Variants in YRDC observed in about 807,000 individuals in gnomAD.
YRDC encodes yrdC N6-threonylcarbamoyltransferase domain containing.
YRDC carries 17 observed loss-of-function variants against 21.5 expected under a neutral mutation model. The observed-to-expected ratio is 0.79, with a 90% CI of 0.54 to 1.19. The LOEUF (loss-of-function observed/expected upper bound fraction) is 1.19, where lower values mean the gene tolerates loss of function less well. Ranked by LOEUF, YRDC falls within the 50% of genes most tolerant of loss-of-function variation. The probability of loss-of-function intolerance (pLI) is 0.00; values close to 1 mark genes in which losing one functional copy is unlikely to be tolerated. For missense variants in YRDC, 380 were observed against 397.1 expected (o/e 0.96, Z 0.37); for synonymous variants, 193 against 176.7 (o/e 1.09, Z -0.73).
intron 3 of YRDC, among the ~76,000 whole-genome samples, chr1:37,805,764 A>G (rs1201395424): frequency 6.6e-6 from 1 of 152,166 alleles, no homozygotes; most frequent in Non-Finnish European, 1.5e-5. Flanking sequence ...CTGGGAATGG[A>G]AAACCCATCG....
Position 37,803,886 on chromosome 1 carries a change from T to G in YRDC, c.*39A>C. 6.2e-7 allele frequency: 1 copy of G among 1,608,586 alleles called. No homozygotes were observed. Among genetic ancestry groups the G allele is most frequent in the Non-Finnish European group, 8.5e-7 (1 of 1,175,692 alleles). On this transcript the variant is annotated 3_prime_UTR_variant, in exon 5 of 5. Transcript: ENST00000373044. Reference sequence around the variant, plus strand: ...GTCGTCAGTGGACAGACACATAGTATCCAGCACCAGGTCTTGGGCCTTCCT... The same window carrying G: ...GTCGTCAGTGGACAGACACATAGTAGCCAGCACCAGGTCTTGGGCCTTCCT...
intron 1 of YRDC, 183 bp downstream of exon 1, chr1:37,807,609 C>T (rs901713276): frequency 1.7e-6 from 2 of 1,159,124 alleles, no homozygotes; most frequent in African/African-American, 1.6e-5. Flanking sequence ...GTTGCTGCTT[C>T]CCAGCAGCAT....
In YRDC at chr1:37,807,437, G is replaced by T. The variant is rs1055428003; in HGVS notation, c.390-222C>A. The T allele has an allele frequency of 6.6e-6, 4 of 603,440 alleles. No homozygotes were observed. In the African/African-American group the frequency reaches 7.4e-5, roughly 11 times the overall value. 37.4% of individuals were successfully genotyped at this position (603,440 alleles called of 1,614,324 possible). A position where few individuals can be genotyped will look rare whatever the true frequency, so the allele number is the denominator to read the frequency against. ...TCTGGTCTCAGGGACTACAACAGCT[G>T]CACCGCTGTGATATCATGATAGTGG... is the stretch of plus-strand genomic sequence containing the variant. On this transcript the variant is annotated intron_variant, in intron 1 of 4. Transcript: ENST00000373044.
In YRDC at chr1:37,803,852, G is replaced by T; in HGVS notation, c.*73C>A. The T allele has an allele frequency of 6.4e-7, 1 of 1,553,630 alleles. No homozygotes were observed. Among genetic ancestry groups the T allele is most frequent in the Non-Finnish European group, 8.9e-7 (1 of 1,129,924 alleles). On this transcript the variant is annotated 3_prime_UTR_variant, in exon 5 of 5. Transcript: ENST00000373044. ...AGCTCCGGTGGCCTCTGCAAATGAGGCCTTGACAGTCGTCAGTGGACAGAC... is the reference window on the plus strand; with the variant it reads ...AGCTCCGGTGGCCTCTGCAAATGAGTCCTTGACAGTCGTCAGTGGACAGAC...
chr1:37,807,446 T>G (rs1646746847), intron 1 of YRDC: 2 of 594,876 alleles, frequency 3.4e-6, no homozygotes, highest in Admixed American at 6.0e-5. Flanking sequence ...TGCACCGCTG[T>G]GATATCATGA....
At chr1:37,804,036 A>C (rs1646719013) in intron 4 of YRDC, 39 bp from the exon 5 acceptor site, 3 of 1,610,306 alleles carry the variant, frequency 1.9e-6, no homozygotes, top group Non-Finnish European at 2.5e-6. Context: ...CTGACTTCTC[A>C]GAAGTCCCGA....
chr1:37,807,633 C>G, intron 1 of YRDC, 159 bp downstream of exon 1: 1 of 1,294,894 alleles, frequency 7.7e-7, no homozygotes, highest in Non-Finnish European at 1.0e-6. Context: ...GTTCAGGGCC[C>G]GGGGCACGTT....
intron 4 of YRDC, 85 bp downstream of exon 4, chr1:37,804,217 G>A: frequency 1.3e-6 from 2 of 1,553,078 alleles, no homozygotes; most frequent in Non-Finnish European, 1.7e-6. Context: ...AACATAGGAG[G>A]CACCATCTTT....
Position 37,803,128 on chromosome 1 carries a change from A to T in YRDC, c.*797T>A, listed in dbSNP as rs1217880947. ...TAATTTATTTTATGAATAAATAAGA[A>T]AAAAGTCCCTGGCTATAAAGGATAG... On this transcript the variant is annotated 3_prime_UTR_variant, in exon 5 of 5. Transcript: ENST00000373044. The T allele has an allele frequency of 6.6e-6, 1 of 151,990 alleles. No individual in the cohort carries two copies. Among genetic ancestry groups the T allele is most frequent in the African/African-American group, 2.4e-5 (1 of 41,434 alleles). The allele number at this position is 151,990 out of a possible 1,614,324, so 9.4% of individuals were successfully genotyped here. A position where few individuals can be genotyped will look rare whatever the true frequency, so the allele number is the denominator to read the frequency against.
At chr1:37,807,561 A>G (rs924349842) in intron 1 of YRDC, 11 of 858,030 alleles carry the variant, frequency 1.3e-5, no homozygotes, top group Non-Finnish European at 1.7e-5. Context: ...AATTAGCACA[A>G]ATACGCCAAG....
At position 37,804,457 on chromosome 1, in the gene YRDC, A is replaced by G. The variant is rs2148390416; in HGVS notation, c.625-13T>C. ...GATCCTGGAACTCCTGAGAAGAGGG[A>G]GAAGGAAGAGCATGGACACTATCCC... On this transcript the variant is annotated splice_polypyrimidine_tract_variant and intron_variant, in intron 3 of 4. Coordinates refer to ENST00000373044, the MANE Select transcript of YRDC (RefSeq NM_024640.4). 1.2e-6 allele frequency: 2 copies of G among 1,608,226 alleles called. No individual in the cohort carries two copies. The highest frequency in any genetic ancestry group is 4.5e-5 in the East Asian group (2 of 44,744).
chr1:37,803,980 G>A lies in YRDC; in HGVS notation c.785C>T (p.Thr262Ile). ...IRPGCALEST[T>I]AILQQKYGLL... ...TCCGTACTTCTGTTGGAGGATGGCTGTAGTACTTTCCAGGGCACTGAGGAG... is the reference window on the plus strand; with the variant it reads ...TCCGTACTTCTGTTGGAGGATGGCTATAGTACTTTCCAGGGCACTGAGGAG... The change falls in exon 5 of 5, where the codon ACA (threonine) becomes ATA (isoleucine). Residue 262 changes from threonine (T) to isoleucine (I), a missense_variant. By Grantham distance (89) the Thr-to-Ile change is moderately conservative. This residue lies in a region of YRDC where 238 missense variants were observed against 236.5 expected (regional missense o/e 1.01). Transcript: ENST00000373044. 1.9e-6 allele frequency: 3 copies of A among 1,614,188 alleles called. No individual in the cohort carries two copies. The highest frequency in any genetic ancestry group is 2.5e-6 in the Non-Finnish European group (3 of 1,180,044).
rs200941239 is a variant in YRDC at position 37,804,373 on chromosome 1, G to A, written c.696C>T (p.Pro232=). ...DGGQIGDGQS[P]ECRLGSTVVD... is the part of the protein sequence containing the mutation. ...CCACAGTTGAGCCAAGGCGACACTC[G>A]GGGCTCTGGCCATCCCCAATTTGTC... The change falls in exon 4 of 5, where the codon CCC becomes CCT. Residue 232 remains proline (P), a synonymous_variant. Transcript: ENST00000373044. 2.8e-4 allele frequency: 460 copies of A among 1,614,148 alleles called. 2 individuals carry two copies. The Admixed American group carries it at 6.1e-3, about 21-fold the overall frequency.
Position 37,803,265 on chromosome 1 carries a change from T to A in YRDC, c.*660A>T, listed in dbSNP as rs1226409493. On this transcript the variant is annotated 3_prime_UTR_variant, in exon 5 of 5. Coordinates refer to ENST00000373044, the MANE Select transcript of YRDC (RefSeq NM_024640.4). ...TCTCCCTGCGAGCAATTACAATACA[T>A]GACACCACTAGGCCCAATGGCTCAG... 1 of 152,332 alleles carries A rather than the reference T, an allele frequency of 6.6e-6. No individual in the cohort carries two copies. The highest frequency in any genetic ancestry group is 1.5e-5 in the Non-Finnish European group (1 of 68,130). The allele number at this position is 152,332 out of a possible 1,614,324, so 9.4% of individuals were successfully genotyped here.
chr1:37,807,947 G>GCGCAGCT lies in YRDC; in HGVS notation c.227_233dup (p.Gly80AlafsTer61), dbSNP rs1646752698. On this transcript the variant is annotated frameshift_variant, in exon 1 of 5. Coordinates refer to ENST00000373044, the MANE Select transcript of YRDC (RefSeq NM_024640.4). LOFTEE classifies it high-confidence loss of function. Reference sequence around the variant, plus strand: ...TGGGGACGGCCACCACGGCGCCGGCGCGCAGCTCGGCCACGGCGGCCCGCA... The same window carrying GCGCAGCT: ...TGGGGACGGCCACCACGGCGCCGGCGCGCAGCTCGCAGCTCGGCCACGGCGGCCCGCA... The GCGCAGCT allele has an allele frequency of 5.7e-6, 7 of 1,231,184 alleles. No homozygotes were observed. The highest frequency in any genetic ancestry group is 1.6e-5 in the African/African-American group (1 of 64,030). 76.3% of individuals were successfully genotyped at this position (1,231,184 alleles called of 1,614,324 possible).
chr1:37,804,109 C>A, intron 4 of YRDC, 112 bp from the exon 5 acceptor site: 1 of 1,476,450 alleles, frequency 6.8e-7, no homozygotes. Flanking sequence ...CCCTGTTCAT[C>A]AACCCTTGAT....
In YRDC at chr1:37,807,836, G is replaced by C; in HGVS notation, c.345C>G (p.Ala115=). The C allele has an allele frequency of 6.6e-7, 1 of 1,509,180 alleles. No homozygotes were observed. Among genetic ancestry groups the C allele is most frequent in the Non-Finnish European group, 8.8e-7 (1 of 1,133,562 alleles). The allele number at this position is 1,509,180 out of a possible 1,614,324, so 93.5% of individuals were successfully genotyped here. A position where few individuals can be genotyped will look rare whatever the true frequency, so the allele number is the denominator to read the frequency against. The change falls in exon 1 of 5, where the codon GCC becomes GCG. Residue 115 remains alanine, a synonymous_variant. Transcript: ENST00000373044. ...GGCCGAGGCATACGGCCAGAGGCTTGGCCTCGCTGCGACCCTTGAGGCGGT... is the reference window on the plus strand; with the variant it reads ...GGCCGAGGCATACGGCCAGAGGCTTCGCCTCGCTGCGACCCTTGAGGCGGT... ...AVYRLKGRSE[A]KPLAVCLGRV...
At chr1:37,804,086 T>C in intron 4 of YRDC, 89 bp from the exon 5 acceptor site, 1 of 1,539,724 alleles carries the variant, frequency 6.5e-7, no homozygotes. Context: ...CGAAACTGGC[T>C]AGCCTTGTTA....
In YRDC at chr1:37,803,154, TGGA is replaced by T. The variant is rs1342550508; in HGVS notation, c.*768_*770del. ...AAAAGTCCCTGGCTATAAAGGATAG[TGGA>T]GGTTTATTTCCCAATATTCTTCCAT... On this transcript the variant is annotated 3_prime_UTR_variant, in exon 5 of 5. Coordinates refer to ENST00000373044, the MANE Select transcript of YRDC (RefSeq NM_024640.4). 2 of 152,218 alleles carry T rather than the reference TGGA, an allele frequency of 1.3e-5. No individual in the cohort carries two copies. Among genetic ancestry groups the T allele is most frequent in the African/African-American group, 4.8e-5 (2 of 41,454 alleles). The allele number at this position is 152,218 out of a possible 1,614,324, so 9.4% of individuals were successfully genotyped here.
Sources: gnomAD v4.1 joint callset for allele counts (sites outside exome capture counted in the v4.1 genomes callset) on GRCh38, gnomAD v4.1.1 for gene constraint, gnomAD v4.1.1 regional missense constraint, MANE v1.5 for transcripts, NCBI Gene and HGNC (gene_info 2026-07-23, HGNC 2026-07-21) for gene names.